Variants in CTBP2 observed in about 807,000 individuals in gnomAD.
The protein encoded by CTBP2 is C-terminal-binding protein 2.
Under a neutral mutation model 80.3 loss-of-function variants are expected in CTBP2, and 30 were observed. The observed-to-expected ratio is 0.37, with a 90% CI of 0.28 to 0.51. The LOEUF is 0.51. CTBP2 is among the 20% of genes least tolerant of loss of function. The pLI is 0.93. For synonymous variants in CTBP2, 594 were observed against 587.4 expected, an observed-to-expected ratio of 1.01 and a Z score of -0.16; for missense variants, 1,212 against 1,375.3, an observed-to-expected ratio of 0.88 and a Z score of 1.88.
At chr10:125,112,928 T>C (rs1424977148) in intron 1 of CTBP2, among the ~76,000 whole-genome samples, 2 of 152,226 alleles carry the variant, frequency 1.3e-5, no homozygotes, top group African/African-American at 2.4e-5. Flanking sequence ...AAGAAAACCA[T>C]GCTCCCTGCT....
Position 124,985,297 on chromosome 10 carries a change from T to G in CTBP2, c.*4221A>C, listed in dbSNP as rs1952008261. ...CGCATGTGGTTGTGTAAGACATTGT[T>G]TAATAGGAAAAGTTGTACCAGCATC... On this transcript the variant is annotated 3_prime_UTR_variant, in exon 9 of 9. Transcript: ENST00000309035. 1 of 240,618 alleles carries G rather than the reference T, an allele frequency of 4.2e-6. No homozygotes were observed. The highest frequency in any genetic ancestry group is 8.0e-6 in the Non-Finnish European group (1 of 125,572). The allele number at this position is 240,618 out of a possible 1,614,324, so 14.9% of individuals were successfully genotyped here. A position where few individuals can be genotyped will look rare whatever the true frequency, so the allele number is the denominator to read the frequency against.
intron 2 of CTBP2, among the ~76,000 whole-genome samples, chr10:125,068,644 T>A (rs1472365193): frequency 6.6e-6 from 1 of 152,168 alleles, no homozygotes; most frequent in East Asian, 1.9e-4. Context: ...GCAAAGGTCT[T>A]AGTGCCATGG....
At position 125,026,967 on chromosome 10, in the gene CTBP2, G is replaced by A; in HGVS notation, c.793C>T (p.Pro265Ser). 1 of 1,614,060 alleles carries A rather than the reference G, an allele frequency of 6.2e-7. No homozygotes were observed. The highest frequency in any genetic ancestry group is 8.5e-7 in the Non-Finnish European group (1 of 1,180,016). ...TAAGTCTCGTAAGCCATCTTGGATG[G>A]GATGCTTTCCCGGGCAGGCCCGTAG... The change falls in exon 1 of 9, where the codon CCA becomes TCA. Residue 265 changes from proline (P) to serine (S), a missense_variant. Coordinates refer to ENST00000309035, the MANE Select transcript of CTBP2 (RefSeq NM_022802.3).
intron 1 of CTBP2, among the ~76,000 whole-genome samples, chr10:125,146,456 A>G (rs943073888): frequency 4.7e-5 from 7 of 147,590 alleles, no homozygotes; most frequent in Non-Finnish European, 7.5e-5. Context: ...AATTTTTTGT[A>G]TTTTTAGTAG....
chr10:125,094,602 G>A (rs1849270856), intron 2 of CTBP2, among the ~76,000 whole-genome samples: 1 of 152,108 alleles, frequency 6.6e-6, no homozygotes, highest in Admixed American at 6.5e-5. Context: ...CTCAAGCAGG[G>A]GACACTGGGC....
intron 6 of CTBP2, 150 bp from the exon 9 acceptor site, chr10:124,993,479 T>C (rs1389003147): frequency 1.2e-5 from 12 of 989,618 alleles, no homozygotes; most frequent in Non-Finnish European, 1.7e-5. Context: ...TTATGAAGGC[T>C]GGGAATTTTT....
intron 1 of CTBP2, among the ~76,000 whole-genome samples, chr10:125,143,440 T>C (rs1217839784): frequency 6.6e-6 from 1 of 152,320 alleles, no homozygotes; most frequent in East Asian, 1.9e-4. Context: ...AACTCGCCAC[T>C]GCACTCCAGC....
intron 1 of CTBP2, among the ~76,000 whole-genome samples, chr10:125,119,207 C>A (rs1853892926): frequency 6.6e-6 from 1 of 152,214 alleles, no homozygotes; most frequent in Non-Finnish European, 1.5e-5. Flanking sequence ...ACACCCATAC[C>A]ACAGCGAGAG....
chr10:125,044,358 A>G (rs1960691115), intron 2 of CTBP2, among the ~76,000 whole-genome samples: 1 of 122,176 alleles, frequency 8.2e-6, no homozygotes, highest in African/African-American at 2.9e-5. Context: ...GCACATCTGC[A>G]GATACGGTGC....
At chr10:125,018,008 G>T (rs1415665121) in intron 1 of CTBP2, among the ~76,000 whole-genome samples, 1 of 152,212 alleles carries the variant, frequency 6.6e-6, no homozygotes, top group African/African-American at 2.4e-5. Context: ...TCCTCTTGCT[G>T]ACACAGACCT....
intron 1 of CTBP2, among the ~76,000 whole-genome samples, chr10:125,013,299 G>C (rs1956128354): frequency 6.6e-6 from 1 of 152,070 alleles, no homozygotes; most frequent in East Asian, 1.9e-4. Context: ...ATGTGGGCAG[G>C]GTGCATTCTG....
intron 1 of CTBP2, among the ~76,000 whole-genome samples, chr10:125,151,186 CAT>C (rs929162371): frequency 6.6e-5 from 10 of 152,116 alleles, no homozygotes; most frequent in Admixed American, 1.3e-4. Context: ...GTCTGCAAAA[CAT>C]AGAGGCGAAC....
At chr10:125,088,829 C>T (rs60718072) in intron 2 of CTBP2, among the ~76,000 whole-genome samples, 137 of 152,318 alleles carry the variant, frequency 9.0e-4, no homozygotes, top group African/African-American at 3.0e-3. Context: ...AAGAACTGCA[C>T]CAAATTCGGA....
chr10:125,129,806 T>TC (rs1855853426), intron 1 of CTBP2, among the ~76,000 whole-genome samples: 1 of 152,088 alleles, frequency 6.6e-6, no homozygotes, highest in Non-Finnish European at 1.5e-5. Flanking sequence ...CTACTCCAAG[T>TC]CCAAGTCTGC....
At chr10:125,085,342 T>C (rs991038260) in intron 2 of CTBP2, among the ~76,000 whole-genome samples, 8 of 152,200 alleles carry the variant, frequency 5.3e-5, no homozygotes, top group African/African-American at 1.9e-4. Flanking sequence ...GAAAAGATGG[T>C]GAAGACAAAG....
chr10:125,156,020 G>A (rs1249529712), intron 1 of CTBP2, among the ~76,000 whole-genome samples: 1 of 152,272 alleles, frequency 6.6e-6, no homozygotes, highest in African/African-American at 2.4e-5. Context: ...GACACCCCGA[G>A]ATTTCACCAC....
At chr10:125,069,581 T>C (rs537315384) in intron 2 of CTBP2, among the ~76,000 whole-genome samples, 1 of 152,244 alleles carries the variant, frequency 6.6e-6, no homozygotes, top group Admixed American at 6.5e-5. Flanking sequence ...GATCGTGCCA[T>C]TGCACACCAG....
chr10:125,065,302 C>T (rs1257449237), intron 2 of CTBP2, among the ~76,000 whole-genome samples: 1 of 152,048 alleles, frequency 6.6e-6, no homozygotes, highest in African/African-American at 2.4e-5. Context: ...GAGCCTTGTT[C>T]TCTTTGTGAT....
At chr10:125,072,163 T>A (rs553838583) in intron 2 of CTBP2, among the ~76,000 whole-genome samples, 3 of 151,710 alleles carry the variant, frequency 2.0e-5, no homozygotes, top group East Asian at 3.9e-4. Context: ...AATACAAAAA[T>A]TAGCCAGGCA....
Sources: allele counts gnomAD v4.1 joint callset (sites outside exome capture counted in the v4.1 genomes callset), GRCh38; gene constraint gnomAD v4.1.1; transcripts MANE v1.5; gene names NCBI Gene and HGNC (gene_info 2026-07-23, HGNC 2026-07-21).